The following RALA variants were observed in gnomAD, a reference collection of about 807,000 sequenced individuals.
RALA encodes RAS like proto-oncogene A.
A neutral mutation model predicts 24.0 loss-of-function variants in RALA; 5 were observed. The observed-to-expected ratio is 0.21, with a 90% CI of 0.11 to 0.44. The LOEUF is 0.44. Ranked by LOEUF, RALA falls within the 20% of genes least tolerant of loss-of-function variation. The probability of loss-of-function intolerance (pLI) is 0.99; values close to 1 mark genes in which losing one functional copy is unlikely to be tolerated. For missense variants in RALA, 95 were observed against 241.2 expected (o/e 0.39, Z 4.01); for synonymous variants, 77 against 83.8 (o/e 0.92, Z 0.44).
chr7:39,683,035 C>T (rs1792634186), intron 1 of RALA, among the ~76,000 whole-genome samples: 1 of 152,120 alleles, frequency 6.6e-6, no homozygotes, highest in Admixed American at 6.6e-5. Flanking sequence ...GGTAGGGCCC[C>T]CATGATGAGA....
At chr7:39,662,128 G>A (rs1299733340) in intron 1 of RALA, among the ~76,000 whole-genome samples, 2 of 152,184 alleles carry the variant, frequency 1.3e-5, no homozygotes, top group Admixed American at 6.5e-5. Flanking sequence ...GCTACACACA[G>A]CATGGGTTGG....
intron 1 of RALA, among the ~76,000 whole-genome samples, chr7:39,672,510 ATC>A (rs1384457403): frequency 6.6e-6 from 1 of 152,198 alleles, no homozygotes; most frequent in Non-Finnish European, 1.5e-5. Flanking sequence ...CCAGTTCTGC[ATC>A]TGTTGTTTAC....
chr7:39,660,068 A>C (rs1303477925), intron 1 of RALA, among the ~76,000 whole-genome samples: 2 of 152,118 alleles, frequency 1.3e-5, no homozygotes, highest in Non-Finnish European at 2.9e-5. Flanking sequence ...ATTTAAGGCC[A>C]GGCACAGTGG....
rs114213648 is a variant in RALA at position 39,695,261 on chromosome 7, G to A, written c.324-1424G>A. 1.1e-3 allele frequency among the ~76,000 whole-genome samples: 169 copies of A among 152,116 alleles called. 1 individual carries two copies. Among genetic ancestry groups the A allele is most frequent in the Middle Eastern group, 0.01 (3 of 294 alleles). ...TCAAGTCTCTTCTATAAAATGGTGTGGTATTTGCAGATAGCCTATGCACAT... is the reference window on the plus strand; with the variant it reads ...TCAAGTCTCTTCTATAAAATGGTGTAGTATTTGCAGATAGCCTATGCACAT... On this transcript the variant is annotated intron_variant, in intron 3 of 4. Transcript: ENST00000005257.
At chr7:39,686,525 A>G in intron 1 of RALA, 106 bp from the exon 2 acceptor site, 1 of 616,014 alleles carries the variant, frequency 1.6e-6, no homozygotes, top group East Asian at 2.8e-5. Context: ...TAAAATCACT[A>G]CAGATTGAAA....
At chr7:39,687,130 TA>T (rs1039844521) in intron 2 of RALA, among the ~76,000 whole-genome samples, 9 of 152,134 alleles carry the variant, frequency 5.9e-5, no homozygotes, top group Non-Finnish European at 1.2e-4. Flanking sequence ...TTAACATATA[TA>T]AAATATCTTT....
At chr7:39,694,490 C>T (rs1392108675) in intron 3 of RALA, among the ~76,000 whole-genome samples, 2 of 152,100 alleles carry the variant, frequency 1.3e-5, no homozygotes, top group Non-Finnish European at 2.9e-5. Context: ...AGCAAGTTAA[C>T]ATAATTTCTG....
intron 2 of RALA, among the ~76,000 whole-genome samples, chr7:39,687,320 G>A (rs975433815): frequency 1.3e-5 from 2 of 151,918 alleles, no homozygotes; most frequent in African/African-American, 4.8e-5. Context: ...CCAGCTACTC[G>A]GGAGGCTGAG....
chr7:39,637,499 AT>A (rs1291270642), intron 1 of RALA, among the ~76,000 whole-genome samples: 1 of 152,194 alleles, frequency 6.6e-6, no homozygotes, highest in Non-Finnish European at 1.5e-5. Context: ...TAACAATAGC[AT>A]TTTTTGTAAA....
chr7:39,675,550 A>G (rs1414672573), intron 1 of RALA, among the ~76,000 whole-genome samples: 1 of 152,102 alleles, frequency 6.6e-6, no homozygotes, highest in African/African-American at 2.4e-5. Flanking sequence ...TGGGCAACAC[A>G]GACCCTGTCT....
chr7:39,681,302 CTTTTTTTTTTTT>C (rs70996832), intron 1 of RALA, among the ~76,000 whole-genome samples: 40 of 50,052 alleles, frequency 8.0e-4, no homozygotes, highest in East Asian at 1.3e-3. Flanking sequence ...CACCCTATTC[CTTTTTTTTTTTT>C]TTTTTTTTTT....
chr7:39,663,162 G>C (rs1002071530), intron 1 of RALA, among the ~76,000 whole-genome samples: 1 of 152,156 alleles, frequency 6.6e-6, no homozygotes, highest in Non-Finnish European at 1.5e-5. Context: ...AGATTGGGTG[G>C]GGACACAACC....
intron 1 of RALA, among the ~76,000 whole-genome samples, chr7:39,685,407 A>C (rs1792680053): frequency 1.3e-5 from 2 of 152,218 alleles, no homozygotes; most frequent in African/African-American, 2.4e-5. Flanking sequence ...GGGAGCTGCA[A>C]CTTAGAAAGC....
At chr7:39,630,682 A>G (rs1025541737) in intron 1 of RALA, among the ~76,000 whole-genome samples, 2 of 152,156 alleles carry the variant, frequency 1.3e-5, no homozygotes, top group African/African-American at 4.8e-5. Flanking sequence ...GTTTATTTCT[A>G]TGTATGATAT....
intron 1 of RALA, among the ~76,000 whole-genome samples, chr7:39,674,505 A>G (rs1198121157): frequency 1.3e-5 from 2 of 152,162 alleles, no homozygotes; most frequent in East Asian, 3.8e-4. Context: ...TCTTTGCCCC[A>G]TATTCATGTG....
intron 1 of RALA, among the ~76,000 whole-genome samples, chr7:39,662,054 C>T (rs1232074906): frequency 6.6e-6 from 1 of 152,206 alleles, no homozygotes; most frequent in African/African-American, 2.4e-5. Flanking sequence ...CACAACCCGA[C>T]CTGTACCCTG....
chr7:39,697,643 G>T (rs1223868066), intron 4 of RALA: 1 of 290,064 alleles, frequency 3.4e-6, no homozygotes, highest in East Asian at 7.8e-5. Context: ...CACATTCTTG[G>T]GTCTTACCCC....
At chr7:39,705,177 A>C (rs7799721) in intron 4 of RALA, among the ~76,000 whole-genome samples, 63,363 of 151,952 alleles carry the variant, frequency 0.42, 14,022 homozygotes, top group Non-Finnish European at 0.5. Flanking sequence ...CTACACACAC[A>C]CACAGGTAGC....
At chr7:39,643,998 A>G (rs965753102) in intron 1 of RALA, among the ~76,000 whole-genome samples, 1 of 152,222 alleles carries the variant, frequency 6.6e-6, no homozygotes, top group African/African-American at 2.4e-5. Flanking sequence ...GCAGGTTAAT[A>G]CATATAATGA....
Sources: allele counts gnomAD v4.1 joint callset (sites outside exome capture counted in the v4.1 genomes callset), GRCh38; gene constraint gnomAD v4.1.1; transcripts MANE v1.5; gene names NCBI Gene and HGNC (gene_info 2026-07-23, HGNC 2026-07-21).